SPINK5: variants seen among roughly 807,000 people sequenced by gnomAD.
The protein encoded by SPINK5 is serine protease inhibitor Kazal-type 5.
A neutral mutation model predicts 151.8 loss-of-function variants in SPINK5; 125 were observed. The observed-to-expected ratio is 0.82, with a 90% CI of 0.71 to 0.96. The LOEUF is 0.96. Among genes scored for constraint, SPINK5 ranks in the 40% least tolerant of loss-of-function variants. The pLI is 0.00. For synonymous variants in SPINK5, 374 were observed against 395.3 expected (o/e 0.95, Z 0.64); for missense variants, 1,194 against 1,291.9 (o/e 0.92, Z 1.16).
At chr5:148,089,644 G>A in intron 7 of SPINK5, 23 bp downstream of exon 7, 1 of 1,611,182 alleles carries the variant, frequency 6.2e-7, no homozygotes, top group South Asian at 1.1e-5. Flanking sequence ...ATCCCCAGGT[G>A]GACTTGATGA....
At chr5:148,096,278 G>A (rs1180422285) in intron 10 of SPINK5, among the ~76,000 whole-genome samples, 1 of 151,942 alleles carries the variant, frequency 6.6e-6, no homozygotes, top group Non-Finnish European at 1.5e-5. Flanking sequence ...GAATTTTAAT[G>A]TGCTTCCTTT....
Position 148,100,517 on chromosome 5 carries a change from G to A in SPINK5, c.1156G>A (p.Asp386Asn), listed in dbSNP as rs2303064. The change falls in exon 13 of 33, where the codon GAT becomes AAT. Residue 386 changes from aspartate (D) to asparagine (N), a missense_variant. Coordinates refer to ENST00000256084, the MANE Select transcript of SPINK5 (RefSeq NM_006846.4). ...NGKLACTREN[D>N]PIQGPDGKVH... ...AAAACTTGCTTGCACCAGAGAGAAC[G>A]ATCCTATCCAGGGCCCAGATGGGAA... The A allele has an allele frequency of 0.16, 258,454 of 1,612,950 alleles. 30,769 individuals are homozygous for A. The highest frequency in any genetic ancestry group is 0.5 in the African/African-American group (37,456 of 74,862).
intron 32 of SPINK5, 95 bp from the exon 33 acceptor site, chr5:148,136,888 G>T: frequency 6.8e-7 from 1 of 1,473,672 alleles, no homozygotes; most frequent in Non-Finnish European, 9.5e-7. Flanking sequence ...AGGATCTATG[G>T]ATTTCTTTGA....
intron 26 of SPINK5, among the ~76,000 whole-genome samples, chr5:148,120,720 A>G (rs1754234950): frequency 6.6e-6 from 1 of 152,134 alleles, no homozygotes; most frequent in South Asian, 2.1e-4. Flanking sequence ...AATTTGCCGG[A>G]GCTCAAGTCT....
chr5:148,081,314 ATATT>A (rs1454420289), intron 4 of SPINK5, among the ~76,000 whole-genome samples: 1 of 151,750 alleles, frequency 6.6e-6, no homozygotes, highest in East Asian at 1.9e-4. Flanking sequence ...AGGCATGTGA[ATATT>A]TATAGCAACA....
intron 2 of SPINK5, chr5:148,065,616 C>T (rs905660750): frequency 1.0e-4 from 51 of 488,614 alleles, no homozygotes; most frequent in Admixed American, 9.4e-4. Flanking sequence ...GGCAATTTAT[C>T]ATGTTAAAGG....
intron 16 of SPINK5, among the ~76,000 whole-genome samples, chr5:148,106,462 C>T (rs1422988): frequency 0.013 from 1,973 of 152,006 alleles, 47 homozygotes; most frequent in African/African-American, 0.045. Flanking sequence ...GCTGGGACTA[C>T]AGGCACACAC....
intron 15 of SPINK5, among the ~76,000 whole-genome samples, chr5:148,104,200 C>G (rs1044625196): frequency 6.6e-6 from 1 of 152,094 alleles, no homozygotes; most frequent in Non-Finnish European, 1.5e-5. Flanking sequence ...CTCTTCTATT[C>G]CTCCTAAACA....
chr5:148,081,483 A>T (rs1163880965), intron 4 of SPINK5, among the ~76,000 whole-genome samples: 1 of 151,784 alleles, frequency 6.6e-6, no homozygotes, highest in Non-Finnish European at 1.5e-5. Context: ...TGAACTTCAA[A>T]AACACTATGC....
chr5:148,135,238 T>C (rs1412633087), intron 32 of SPINK5, among the ~76,000 whole-genome samples: 2 of 152,180 alleles, frequency 1.3e-5, no homozygotes, highest in Non-Finnish European at 2.9e-5. Context: ...TCCCATTTTA[T>C]TGACAGAATA....
At chr5:148,096,928 C>A (rs1753484984) in intron 10 of SPINK5, among the ~76,000 whole-genome samples, 3 of 151,308 alleles carry the variant, frequency 2.0e-5, no homozygotes, top group Admixed American at 1.3e-4. Context: ...ATAGCTTAAG[C>A]CTCATTTTGA....
rs1313093659 is a variant in SPINK5, at chr5:148,123,942, CTA to C, written c.2650_2651del (p.Met884ValfsTer6). On this transcript the variant is annotated frameshift_variant, in exon 27 of 33. Transcript: ENST00000256084. LOFTEE classifies it high-confidence loss of function. ...GGCAAGATGCACATCAATAAATGTG[CTA>C]TGTGTCAGAGCATCTTGTACGTAAA... The C allele has an allele frequency of 1.2e-6, 2 of 1,613,782 alleles. No individual in the cohort carries two copies. Among genetic ancestry groups the C allele is most frequent in the African/African-American group, 1.3e-5 (1 of 74,868 alleles).
chr5:148,132,916 C>T (rs1211113167), intron 31 of SPINK5, among the ~76,000 whole-genome samples: 1 of 152,030 alleles, frequency 6.6e-6, no homozygotes, highest in Admixed American at 6.6e-5. Flanking sequence ...TATAACTGTC[C>T]AGGAATTCCA....
chr5:148,070,517 G>T (rs760304019), intron 3 of SPINK5, 67 bp downstream of exon 3: 2 of 1,595,704 alleles, frequency 1.3e-6, no homozygotes, highest in African/African-American at 2.7e-5. Flanking sequence ...ACTGGTAAAT[G>T]TATTCTTTTT....
chr5:148,091,322 C>A, intron 8 of SPINK5, 94 bp downstream of exon 8: 1 of 1,013,498 alleles, frequency 9.9e-7, no homozygotes, highest in Non-Finnish European at 1.5e-6. Context: ...AAGTCATTGT[C>A]TTTTATTATT....
At chr5:148,127,124 C>A in intron 30 of SPINK5, 45 bp downstream of exon 30, 1 of 1,551,288 alleles carries the variant, frequency 6.4e-7, no homozygotes, top group South Asian at 1.1e-5. Flanking sequence ...ATTTAATTTT[C>A]TTGATTTTTT....
At chr5:148,085,826 A>G (rs757786056) in intron 4 of SPINK5, among the ~76,000 whole-genome samples, 2 of 151,912 alleles carry the variant, frequency 1.3e-5, no homozygotes, top group African/African-American at 4.8e-5. Flanking sequence ...GCACTGTTCC[A>G]AGTGCTATAC....
chr5:148,125,392 G>A, intron 28 of SPINK5: 1 of 784,496 alleles, frequency 1.3e-6, no homozygotes, highest in Non-Finnish European at 2.2e-6. Flanking sequence ...TGTAGAGTTA[G>A]ATCCCTGAGC....
chr5:148,128,605 T>C (rs1046093654), intron 30 of SPINK5, among the ~76,000 whole-genome samples: 3 of 152,164 alleles, frequency 2.0e-5, no homozygotes, highest in African/African-American at 7.2e-5. Flanking sequence ...CTCGGCTCAC[T>C]GCAAGCTCCG....
Sources: allele counts gnomAD v4.1 joint callset (sites outside exome capture counted in the v4.1 genomes callset), GRCh38; gene constraint gnomAD v4.1.1; transcripts MANE v1.5; gene names NCBI Gene and HGNC (gene_info 2026-07-23, HGNC 2026-07-21).